TFIP11: variants seen among roughly 807,000 people sequenced by gnomAD.
TFIP11 encodes tuftelin-interacting protein 11.
TFIP11 carries 86 observed loss-of-function variants against 96.8 expected under a neutral mutation model. The ratio of observed to expected loss-of-function variants is 0.89; its 90% CI spans 0.75 to 1.06. The LOEUF (loss-of-function observed/expected upper bound fraction) is 1.06. Ranked by LOEUF, TFIP11 falls within the 50% of genes least tolerant of loss-of-function variation. The pLI, the probability that TFIP11 is intolerant of heterozygous loss-of-function variation, is 0.00. For missense variants in TFIP11, 881 were observed against 1,076.7 expected (o/e 0.82, Z 2.54); for synonymous variants, 405 against 395.2 (o/e 1.02, Z -0.29).
In TFIP11 at chr22:26,499,329, C is replaced by A; in HGVS notation, c.1104G>T (p.Arg368=). ...GGACCTTGCTGAGGTTCGAGATGAC[C>A]CGCTCCTCGTGGTCCAGGACCTCGG... ...KMTEVLDHEE[R]VISNLSKVLE... is the part of the protein sequence containing the mutation. Residue 368 remains arginine, a synonymous_variant, in exon 9 of 15, where the codon CGG becomes CGT. Coordinates refer to ENST00000407690, the MANE Select transcript of TFIP11 (RefSeq NM_012143.4). The A allele has an allele frequency of 6.2e-7, 1 of 1,614,186 alleles. No individual in the cohort carries two copies. The highest frequency in any genetic ancestry group is 1.1e-5 in the South Asian group (1 of 91,088).
intron 8 of TFIP11, among the ~76,000 whole-genome samples, chr22:26,501,587 T>C (rs1922790536): frequency 6.6e-6 from 1 of 151,590 alleles, no homozygotes; most frequent in Non-Finnish European, 1.5e-5. Context: ...TGTTATTAAA[T>C]TCACTGATGT....
chr22:26,503,873 G>A (rs1244936798), intron 6 of TFIP11, 80 bp from the exon 7 acceptor site: 1 of 1,561,558 alleles, frequency 6.4e-7, no homozygotes, highest in Non-Finnish European at 8.7e-7. Context: ...TCAGTGAAAT[G>A]ACAGTTTCTT....
Position 26,510,213 on chromosome 22 carries a change from C to T in TFIP11, c.60G>A (p.Glu20=), listed in dbSNP as rs887115462. The part of the protein sequence containing the change: ...GEGRIDDDDD[E]RENFEITDWD... ...AGTCAGTGATCTCAAAGTTCTCCCGCTCGTCATCATCATCATCAATGCGGC... is the reference window on the plus strand; with the variant it reads ...AGTCAGTGATCTCAAAGTTCTCCCGTTCGTCATCATCATCATCAATGCGGC... Residue 20 remains glutamate, a synonymous_variant, in exon 4 of 15, where the codon GAG becomes GAA. Transcript: ENST00000407690. 6.2e-6 allele frequency: 10 copies of T among 1,614,002 alleles called. No homozygotes were observed. The highest frequency in any genetic ancestry group is 1.3e-5 in the African/African-American group (1 of 74,886).
At chr22:26,494,056 A>G in intron 14 of TFIP11, 83 bp downstream of exon 14, 1 of 1,526,400 alleles carries the variant, frequency 6.6e-7, no homozygotes, top group Non-Finnish European at 8.9e-7. Flanking sequence ...TACAGGAACC[A>G]GAAAACTCTG....
chr22:26,496,085 CTA>C lies in TFIP11; in HGVS notation c.1835_1836del (p.Ile612SerfsTer10). ...CCCTTATCCTTACCCAGCTTGGGCACTATGTTTTTGACCATGAATGCTTCCCA... is the reference window on the plus strand; with the variant it reads ...CCCTTATCCTTACCCAGCTTGGGCACTGTTTTTGACCATGAATGCTTCCCA... ...GSWEAFMVKNIVPKLGMCLGE... is the reference protein window; with the variant it reads ...GSWEAFMVKNXVPKLGMCLGE... On this transcript the variant is annotated frameshift_variant, in exon 12 of 15. Coordinates refer to ENST00000407690, the MANE Select transcript of TFIP11 (RefSeq NM_012143.4). LOFTEE classifies it high-confidence loss of function. 2.5e-6 allele frequency: 4 copies of C among 1,613,682 alleles called. No homozygotes were observed. The highest frequency in any genetic ancestry group is 3.4e-6 in the Non-Finnish European group (4 of 1,179,964).
At position 26,506,297 on chromosome 22, in the gene TFIP11, C is replaced by CAAT; in HGVS notation, c.520+3_520+5dup. 6.2e-7 allele frequency: 1 copy of CAAT among 1,600,232 alleles called. No individual in the cohort carries two copies. Among genetic ancestry groups the CAAT allele is most frequent in the East Asian group, 2.2e-5 (1 of 44,816 alleles). On this transcript the variant is annotated splice_donor_region_variant and intron_variant, in intron 6 of 14. Transcript: ENST00000407690. ...TCCATCATGCAAGACGACAAAGGTG[C>CAAT]AATACCTTGTGCATTCTTCCCGAGG...
Position 26,491,725 on chromosome 22 carries a change from T to C in TFIP11, c.*288A>G. ...TGAGGTAGAAGCTGCCACCAGAGAC[T>C]AAAGGGAAGGCTGCTATGGAGGAAC... On this transcript the variant is annotated 3_prime_UTR_variant, in exon 15 of 15. Coordinates refer to ENST00000407690, the MANE Select transcript of TFIP11 (RefSeq NM_012143.4). 2 of 1,503,280 alleles carry C rather than the reference T, an allele frequency of 1.3e-6. No individual in the cohort carries two copies. The highest frequency in any genetic ancestry group is 1.8e-6 in the Non-Finnish European group (2 of 1,096,736). The allele number at this position is 1,503,280 out of a possible 1,614,324, so 93.1% of individuals were successfully genotyped here. A position where few individuals can be genotyped will look rare whatever the true frequency, so the allele number is the denominator to read the frequency against.
At position 26,491,666 on chromosome 22, in the gene TFIP11, T is replaced by C; in HGVS notation, c.*347A>G. ...ACAAGAGAGAAGATCCTTCTGCTAC[T>C]GACTGAACTCGTTGTGAGGTACTCA... On this transcript the variant is annotated 3_prime_UTR_variant, in exon 15 of 15. Transcript: ENST00000407690. 3 of 1,609,782 alleles carry C rather than the reference T, an allele frequency of 1.9e-6. No individual in the cohort carries two copies. The highest frequency in any genetic ancestry group is 1.7e-6 in the Non-Finnish European group (2 of 1,179,956).
chr22:26,499,308 C>T lies in TFIP11; in HGVS notation c.1125G>A (p.Lys375=), dbSNP rs777795932. 7 of 1,614,088 alleles carry T rather than the reference C, an allele frequency of 4.3e-6. No homozygotes were observed. Among genetic ancestry groups the T allele is most frequent in the Non-Finnish European group, 5.1e-6 (6 of 1,179,976 alleles). ...HEERVISNLS[K]VLEMVEECER... is the part of the protein sequence containing the mutation. ...CGCACTCCTCCACCATCTCCAGGAC[C>T]TTGCTGAGGTTCGAGATGACCCGCT... Residue 375 remains lysine (K), a synonymous_variant, in exon 9 of 15, where the codon AAG becomes AAA. Transcript: ENST00000407690.
Position 26,499,566 on chromosome 22 carries a change from G to T in TFIP11, c.867C>A (p.His289Gln). The change falls in exon 9 of 15, where the codon CAC becomes CAA. Residue 289 changes from histidine (H) to glutamine (Q), a missense_variant. Coordinates refer to ENST00000407690, the MANE Select transcript of TFIP11 (RefSeq NM_012143.4). ...GCGGCAGCCCATCATCGGGAACGTTGTGCTTGTGGCTGATCTGACTGTAGC... is the reference window on the plus strand; with the variant it reads ...GCGGCAGCCCATCATCGGGAACGTTTTGCTTGTGGCTGATCTGACTGTAGC... The part of the protein sequence containing the change: ...YYSYSQISHK[H>Q]NVPDDGLPLQ... 1 of 1,614,154 alleles carries T rather than the reference G, an allele frequency of 6.2e-7. No homozygotes were observed. The highest frequency in any genetic ancestry group is 8.5e-7 in the Non-Finnish European group (1 of 1,180,040).
At chr22:26,504,791 A>C (rs1442125669) in intron 6 of TFIP11, among the ~76,000 whole-genome samples, 1 of 152,080 alleles carries the variant, frequency 6.6e-6, no homozygotes, top group Non-Finnish European at 1.5e-5. Context: ...ATAATTATTT[A>C]GAGGCCAGGC....
chr22:26,506,703 G>A (rs1909240227), intron 5 of TFIP11, 72 bp downstream of exon 5: 4 of 1,569,742 alleles, frequency 2.5e-6, no homozygotes, highest in South Asian at 1.2e-5. Flanking sequence ...TTTCTCCCTG[G>A]CTAGAAAATG....
intron 8 of TFIP11, 102 bp downstream of exon 8, chr22:26,501,785 CAAAAAAAAAAAAA>C: frequency 7.7e-6 from 2 of 259,812 alleles, no homozygotes; most frequent in Non-Finnish European, 1.2e-5. Flanking sequence ...AGCAAGGTAC[CAAAAAAAAAAAAA>C]AAAAAAAAAG....
At chr22:26,505,005 G>A (rs1923229486) in intron 6 of TFIP11, among the ~76,000 whole-genome samples, 1 of 152,172 alleles carries the variant, frequency 6.6e-6, no homozygotes, top group Admixed American at 6.5e-5. Flanking sequence ...GAACCCAGGA[G>A]GTGGAAGTTG....
intron 10 of TFIP11, chr22:26,498,662 G>A: frequency 2.0e-6 from 1 of 505,976 alleles, no homozygotes; most frequent in Non-Finnish European, 3.5e-6. Context: ...AATACTACCT[G>A]TTCCCCAAAC....
intron 13 of TFIP11, 112 bp downstream of exon 13, chr22:26,494,685 C>T: frequency 6.9e-7 from 1 of 1,439,548 alleles, no homozygotes; most frequent in South Asian, 1.3e-5. Flanking sequence ...CCTACCCTAC[C>T]ATGTAATTTA....
At chr22:26,494,576 G>A in intron 13 of TFIP11, 1 of 725,970 alleles carries the variant, frequency 1.4e-6, no homozygotes, top group South Asian at 1.9e-5. Flanking sequence ...GGGTTGCTGA[G>A]AGGAGCTGAG....
In TFIP11 at chr22:26,492,342, C is replaced by T. The variant is rs1212768097; in HGVS notation, c.2185G>A (p.Glu729Lys). The T allele has an allele frequency of 3.7e-6, 6 of 1,614,036 alleles. No homozygotes were observed. In the African/African-American group the frequency reaches 5.3e-5, roughly 14 times the overall value. Residue 729 changes from glutamate (E) to lysine (K), a missense_variant, in exon 15 of 15, where the codon GAG becomes AAG. Coordinates refer to ENST00000407690, the MANE Select transcript of TFIP11 (RefSeq NM_012143.4). ...GTGTGGGTGAGATAGGCAATGTTCT[C>T]CCGTGCTCCTGGCTGCATGTAGGCA... ...VGAYMQPGARENIAYLTHTER... is the reference protein window; with the variant it reads ...VGAYMQPGARKNIAYLTHTER...
rs376350902 is a variant in TFIP11, at chr22:26,491,869, C to T, written c.*144G>A. The T allele has an allele frequency of 6.1e-6, 6 of 991,694 alleles. No homozygotes were observed. The highest frequency in any genetic ancestry group is 5.1e-5 in the South Asian group (3 of 59,378). The allele number at this position is 991,694 out of a possible 1,614,324, so 61.4% of individuals were successfully genotyped here. On this transcript the variant is annotated 3_prime_UTR_variant, in exon 15 of 15. Coordinates refer to ENST00000407690, the MANE Select transcript of TFIP11 (RefSeq NM_012143.4). ...CCCTACGTGGCATTGTCCCATTTTA[C>T]ATCCTTCCCTCATGACCTGGCCTGA...
Sources: gnomAD v4.1 joint callset for allele counts (sites outside exome capture counted in the v4.1 genomes callset) on GRCh38, gnomAD v4.1.1 for gene constraint, MANE v1.5 for transcripts, NCBI Gene and HGNC (gene_info 2026-07-23, HGNC 2026-07-21) for gene names.